SLC39A11: variants seen among roughly 807,000 people sequenced by gnomAD.
SLC39A11 encodes the protein solute carrier family 39 member 11, also known as zinc transporter ZIP11.
SLC39A11 carries 33 observed loss-of-function variants against 36.1 expected under a neutral mutation model. The observed-to-expected ratio is 0.91, with a 90% CI of 0.69 to 1.22. The LOEUF is 1.22. Among genes scored for constraint, SLC39A11 ranks in the 50% most tolerant of loss-of-function variants. SLC39A11 has a pLI of 0.00. For missense variants in SLC39A11, 432 were observed against 430.3 expected, an observed-to-expected ratio of 1.00 and a Z score of -0.03; for synonymous variants, 166 against 170.3, an observed-to-expected ratio of 0.97 and a Z score of 0.20.
At chr17:72,783,762 G>C (rs937749528) in intron 6 of SLC39A11, among the ~76,000 whole-genome samples, 1 of 152,178 alleles carries the variant, frequency 6.6e-6, no homozygotes, top group Non-Finnish European at 1.5e-5. Context: ...GTGAGGGAAC[G>C]GGAATAGTCA....
At chr17:72,876,901 G>A (rs574233920) in intron 5 of SLC39A11, among the ~76,000 whole-genome samples, 12 of 152,238 alleles carry the variant, frequency 7.9e-5, no homozygotes, top group African/African-American at 2.6e-4. Flanking sequence ...CCAAACCCCT[G>A]GTTTCAGTAA....
At chr17:72,769,429 G>A (rs988315149) in intron 6 of SLC39A11, among the ~76,000 whole-genome samples, 6 of 152,118 alleles carry the variant, frequency 3.9e-5, no homozygotes, top group Non-Finnish European at 5.9e-5. Context: ...GAAAGGAAAC[G>A]GATCTTGGGC....
chr17:73,000,012 G>T (rs1016875141), intron 4 of SLC39A11, among the ~76,000 whole-genome samples: 1 of 152,070 alleles, frequency 6.6e-6, no homozygotes, highest in Non-Finnish European at 1.5e-5. Context: ...AAAGTGCTGG[G>T]ATTACAGGCC....
intron 5 of SLC39A11, among the ~76,000 whole-genome samples, chr17:72,925,229 AC>A (rs1281710098): frequency 6.6e-6 from 1 of 152,152 alleles, no homozygotes; most frequent in Non-Finnish European, 1.5e-5. Flanking sequence ...ATTTTGGTTC[AC>A]AGCTCTCTAG....
intron 3 of SLC39A11, among the ~76,000 whole-genome samples, chr17:73,071,134 A>G (rs2060150365): frequency 6.6e-6 from 1 of 152,140 alleles, no homozygotes; most frequent in South Asian, 2.1e-4. Flanking sequence ...GAATGAAGAG[A>G]ACTTCCCCAA....
intron 6 of SLC39A11, among the ~76,000 whole-genome samples, chr17:72,773,213 T>C (rs1381378954): frequency 4.6e-5 from 7 of 152,222 alleles, no homozygotes; most frequent in Admixed American, 4.6e-4. Context: ...CAGAGAGGCA[T>C]GGTTTAGCCA....
In SLC39A11 at chr17:72,759,178, C is replaced by G. The variant is rs1411319484; in HGVS notation, c.602-22459G>C. On this transcript the variant is annotated intron_variant, in intron 6 of 9. Transcript: ENST00000255559. ...AGAAAATAATACAGATACCAGATAGCAGAAAATGGCTGGATTTTCAATATG... is the reference window on the plus strand; with the variant it reads ...AGAAAATAATACAGATACCAGATAGGAGAAAATGGCTGGATTTTCAATATG... Among the ~76,000 whole-genome samples, 4 of 151,364 alleles carry G rather than the reference C, an allele frequency of 2.6e-5. No individual in the cohort carries two copies. The South Asian group carries it at 6.4e-4, about 24-fold the overall frequency.
chr17:72,925,815 G>A (rs1433257951), intron 5 of SLC39A11, among the ~76,000 whole-genome samples: 17 of 152,306 alleles, frequency 1.1e-4, no homozygotes, highest in Admixed American at 1.0e-3. Context: ...ATGGCCACAG[G>A]GGCTGCTGTT....
chr17:72,650,322 A>C (rs1377159119), intron 7 of SLC39A11, among the ~76,000 whole-genome samples: 1 of 152,188 alleles, frequency 6.6e-6, no homozygotes, highest in Admixed American at 6.5e-5. Flanking sequence ...AGGAGGGAGA[A>C]GCAAAATGGG....
Position 72,736,738 on chromosome 17 carries a change from A to G in SLC39A11, c.602-19T>C. ...AGACCCTCTGAAATAGATGTAAGAA[A>G]AGCAAGAGGGGTTAGGAATATTTCC... On this transcript the variant is annotated intron_variant, in intron 6 of 9. Transcript: ENST00000255559. 1 of 1,602,272 alleles carries G rather than the reference A, an allele frequency of 6.2e-7. No homozygotes were observed.
intron 6 of SLC39A11, among the ~76,000 whole-genome samples, chr17:72,750,213 C>T (rs1417030262): frequency 2.0e-5 from 3 of 152,148 alleles, no homozygotes; most frequent in Admixed American, 2.0e-4. Context: ...GCCACTGATC[C>T]CTGCTATTCC....
At chr17:72,952,976 A>G (rs986500452) in intron 4 of SLC39A11, among the ~76,000 whole-genome samples, 1 of 152,092 alleles carries the variant, frequency 6.6e-6, no homozygotes, top group Non-Finnish European at 1.5e-5. Context: ...CAAGGTGTCA[A>G]ATACAAGGGC....
chr17:73,033,199 C>T (rs9915558), intron 3 of SLC39A11, among the ~76,000 whole-genome samples: 89,884 of 152,038 alleles, frequency 0.59, 28,543 homozygotes, highest in East Asian at 0.72. Flanking sequence ...GTAATCCTCA[C>T]TCACTTGTCC....
intron 4 of SLC39A11, among the ~76,000 whole-genome samples, chr17:72,981,119 G>A (rs148382236): frequency 1.6e-3 from 240 of 151,984 alleles, no homozygotes; most frequent in African/African-American, 5.5e-3. Flanking sequence ...GAAATTAATT[G>A]TAATAACATA....
intron 7 of SLC39A11, among the ~76,000 whole-genome samples, chr17:72,691,946 C>T (rs1240048692): frequency 2.0e-5 from 3 of 152,146 alleles, no homozygotes; most frequent in East Asian, 3.9e-4. Context: ...GACTCGCCTG[C>T]TGAACCTGGG....
Position 72,932,132 on chromosome 17 carries a change from C to A in SLC39A11, c.430+15620G>T, listed in dbSNP as rs562788460. ...ATAACTAACATTCATTGAGAGCATA[C>A]AATATACTAGGCACCATTCTAAGCA... On this transcript the variant is annotated intron_variant, in intron 5 of 9. Transcript: ENST00000255559. Among the ~76,000 whole-genome samples the A allele has an allele frequency of 3.9e-5, 6 of 152,120 alleles. No homozygotes were observed. The East Asian group carries it at 9.7e-4, about 25-fold the overall frequency.
At chr17:72,953,744 G>A (rs979928677) in intron 4 of SLC39A11, among the ~76,000 whole-genome samples, 4 of 152,204 alleles carry the variant, frequency 2.6e-5, no homozygotes, top group African/African-American at 7.2e-5. Flanking sequence ...TCTGCTCCAG[G>A]TCCCAGTACC....
intron 7 of SLC39A11, among the ~76,000 whole-genome samples, chr17:72,696,790 C>T (rs537650518): frequency 6.6e-6 from 1 of 152,282 alleles, no homozygotes; most frequent in Non-Finnish European, 1.5e-5. Flanking sequence ...TAAAAAAATA[C>T]AATTGTGACA....
chr17:72,939,391 G>A lies in SLC39A11; in HGVS notation c.430+8361C>T, dbSNP rs145943271. Among the ~76,000 whole-genome samples, 335 of 151,290 alleles carry A rather than the reference G, an allele frequency of 2.2e-3. 6 individuals are homozygous for A. In the East Asian group the frequency reaches 0.025, roughly 12 times the overall value. On this transcript the variant is annotated intron_variant, in intron 5 of 9. Coordinates refer to ENST00000255559, the MANE Select transcript of SLC39A11 (RefSeq NM_139177.4). ...GGAGAACTGCTTGAACCCGGGAGGC[G>A]GAGGTTGCAGTGAGCTGAGATTGCA...
Sources: gnomAD v4.1 joint callset for allele counts (sites outside exome capture counted in the v4.1 genomes callset) on GRCh38, gnomAD v4.1.1 for gene constraint, MANE v1.5 for transcripts, NCBI Gene and HGNC (gene_info 2026-07-23, HGNC 2026-07-21) for gene names.